Variants in POF1B observed in about 807,000 individuals in gnomAD.
POF1B encodes protein POF1B.
In POF1B, 53 loss-of-function variants were observed where a neutral mutation model predicts 55.3. The observed-to-expected ratio is 0.96, with a 90% CI of 0.77 to 1.20. The LOEUF is 1.20. Ranked by LOEUF, POF1B falls within the 50% of genes most tolerant of loss-of-function variation. The pLI is 0.00. For synonymous variants in POF1B, 188 were observed against 148.3 expected (o/e 1.27, Z -1.95); for missense variants, 478 against 420.5 (o/e 1.14, Z -1.20).
intron 4 of POF1B, among the ~76,000 whole-genome samples, chrX:85,355,610 A>G (rs1933477656): frequency 8.9e-6 from 1 of 112,054 alleles, no homozygotes; most frequent in African/African-American, 3.2e-5. Flanking sequence ...ACAAATTTAC[A>G]AGAAAAAAAC....
chrX:85,336,726 G>C (rs1354959392), intron 6 of POF1B, among the ~76,000 whole-genome samples: 1 of 111,402 alleles, frequency 9.0e-6, no homozygotes, highest in Non-Finnish European at 1.9e-5. Context: ...CAGATGGGCA[G>C]TATGCAAATA....
At chrX:85,363,676 G>C (rs757249548) in intron 3 of POF1B, among the ~76,000 whole-genome samples, 6 of 111,596 alleles carry the variant, frequency 5.4e-5, no homozygotes, top group Non-Finnish European at 1.1e-4. Context: ...TTGTTTGGTG[G>C]ATTTTAGAGT....
At chrX:85,312,579 C>T (rs1371079951) in intron 9 of POF1B, among the ~76,000 whole-genome samples, 4 of 111,278 alleles carry the variant, frequency 3.6e-5, no homozygotes, top group Non-Finnish European at 7.5e-5. Flanking sequence ...TTACTGAAGC[C>T]TTGTAGTATA....
At chrX:85,328,052 T>G in intron 7 of POF1B, among the ~76,000 whole-genome samples, 1 of 110,834 alleles carries the variant, frequency 9.0e-6, no homozygotes, top group South Asian at 3.8e-4. Context: ...GACAGTAGAT[T>G]AGGGAGGTGG....
intron 6 of POF1B, among the ~76,000 whole-genome samples, chrX:85,334,863 C>T (rs1324941912): frequency 1.8e-5 from 2 of 111,481 alleles, no homozygotes; most frequent in African/African-American, 6.5e-5. Flanking sequence ...TCAAAGACAA[C>T]ACACTTAACC....
intron 15 of POF1B, 135 bp from the exon 16 acceptor site, chrX:85,282,452 C>CA (rs1353900800): frequency 4.2e-5 from 14 of 330,165 alleles, no homozygotes; most frequent in Middle Eastern, 5.6e-4. Context: ...ACTGAAAAAA[C>CA]AAAAAAATAA....
chrX:85,379,618 C>T (rs764909891), intron 1 of POF1B, 21 bp downstream of exon 1: 26 of 526,710 alleles, frequency 4.9e-5, no homozygotes, highest in African/African-American at 4.0e-4. Context: ...AATAGTGGTG[C>T]CGGGAAGAGA....
At chrX:85,376,474 G>A (rs146822021) in intron 2 of POF1B, among the ~76,000 whole-genome samples, 246 of 111,519 alleles carry the variant, frequency 2.2e-3, no homozygotes, top group African/African-American at 7.7e-3. Context: ...TTGACTATAC[G>A]TGTTCATGCA....
chrX:85,360,525 A>ATG (rs1307779138), intron 3 of POF1B, among the ~76,000 whole-genome samples: 6 of 44,724 alleles, frequency 1.3e-4, no homozygotes, highest in East Asian at 5.7e-4. Flanking sequence ...ATTCCATGGT[A>ATG]TGTATATATA....
At chrX:85,286,236 TATA>T (rs1930182221) in intron 15 of POF1B, among the ~76,000 whole-genome samples, 1 of 111,147 alleles carries the variant, frequency 9.0e-6, no homozygotes. Context: ...TGTGATGGGA[TATA>T]ATATTATTGG....
intron 7 of POF1B, among the ~76,000 whole-genome samples, chrX:85,316,144 T>A (rs1306568049): frequency 9.0e-6 from 1 of 111,358 alleles, no homozygotes; most frequent in Non-Finnish European, 1.9e-5. Context: ...GCTGATTCCA[T>A]CTTCTCTCCA....
At position 85,314,422 on chromosome X, in the gene POF1B, C is replaced by A. The variant is rs769351309; in HGVS notation, c.957+10G>T. 3.4e-6 allele frequency: 4 copies of A among 1,181,498 alleles called. No homozygotes were observed. Among genetic ancestry groups the A allele is most frequent in the Admixed American group, 2.4e-5 (1 of 42,350 alleles). ...TTGATTTCACACATCCACTCTTGAC[C>A]CCAACTCACCTGCAGAATGTAGCGT... On this transcript the variant is annotated intron_variant, in intron 9 of 16. Coordinates refer to ENST00000262753, the MANE Select transcript of POF1B (RefSeq NM_024921.4).
intron 7 of POF1B, among the ~76,000 whole-genome samples, chrX:85,326,565 G>C (rs1217637220): frequency 2.7e-5 from 3 of 110,611 alleles, no homozygotes; most frequent in Non-Finnish European, 5.7e-5. Context: ...GCAGGGGATT[G>C]GGGGGCGGGA....
chrX:85,354,757 G>A (rs971879093), intron 4 of POF1B, among the ~76,000 whole-genome samples: 7 of 110,962 alleles, frequency 6.3e-5, no homozygotes, highest in Admixed American at 9.6e-5. Flanking sequence ...CAAGGGACGT[G>A]AAGGACCTCT....
chrX:85,293,250 T>C (rs1228453652), intron 15 of POF1B, among the ~76,000 whole-genome samples: 2 of 111,874 alleles, frequency 1.8e-5, no homozygotes, highest in African/African-American at 6.5e-5. Context: ...CTATTCTCAA[T>C]AGCAGACATG....
intron 9 of POF1B, among the ~76,000 whole-genome samples, chrX:85,309,670 G>A (rs1175027015): frequency 1.8e-5 from 2 of 111,396 alleles, no homozygotes; most frequent in African/African-American, 6.5e-5. Flanking sequence ...AGCCTAGCAG[G>A]ACAGAAAACT....
Position 85,289,157 on chromosome X carries a change from A to G in POF1B, c.1650-6840T>C, listed in dbSNP as rs1392649070. On this transcript the variant is annotated intron_variant, in intron 15 of 16. Transcript: ENST00000262753. ...TTTATGGGAGTCAAGAAAGCTATGC[A>G]TATGTGCTAGGCCACAACCACTCAG... Among the ~76,000 whole-genome samples the G allele has an allele frequency of 2.7e-5, 3 of 111,247 alleles. No individual in the cohort carries two copies. In the Admixed American group the frequency reaches 2.9e-4, roughly 11 times the overall value.
chrX:85,367,723 C>A lies in POF1B; in HGVS notation c.326G>T (p.Ser109Ile). 1 of 1,169,886 alleles carries A rather than the reference C, an allele frequency of 8.5e-7. No homozygotes were observed. The highest frequency in any genetic ancestry group is 1.1e-6 in the Non-Finnish European group (1 of 870,425). ...PTLKISTCAPSTLHITQNTEQ... is the reference protein window; with the variant it reads ...PTLKISTCAPITLHITQNTEQ... ...AGTATTTTGGGTTATATGTAGAGTA[C>A]TTGGGGCACATGTAGATATTTTTAA... Residue 109 changes from serine (S) to isoleucine (I), a missense_variant, in exon 3 of 17, where the codon AGT becomes ATT. Transcript: ENST00000262753.
Position 85,283,232 on chromosome X carries a change from C to T in POF1B, c.1650-915G>A, listed in dbSNP as rs771241764. ...ATGAATAGTCATGCAATGGACGATA[C>T]GACTAATAATGAAGAGAAATATAAA... is the stretch of plus-strand genomic sequence containing the variant. On this transcript the variant is annotated intron_variant, in intron 15 of 16. Transcript: ENST00000262753. Among the ~76,000 whole-genome samples the T allele has an allele frequency of 2.9e-4, 32 of 110,801 alleles. No individual in the cohort carries two copies. In the South Asian group the frequency reaches 7.5e-3, roughly 26 times the overall value.
Sources: gnomAD v4.1 joint callset for allele counts (sites outside exome capture counted in the v4.1 genomes callset) on GRCh38, gnomAD v4.1.1 for gene constraint, MANE v1.5 for transcripts, NCBI Gene and HGNC (gene_info 2026-07-23, HGNC 2026-07-21) for gene names.